The following IPO11 variants were observed in gnomAD, a reference collection of about 807,000 sequenced individuals.
IPO11 encodes importin 11, also known as importin-11.
A neutral mutation model predicts 143.2 loss-of-function variants in IPO11; 66 were observed. The ratio of observed to expected loss-of-function variants is 0.46; its 90% CI spans 0.38 to 0.57. The LOEUF (loss-of-function observed/expected upper bound fraction) is 0.57. Among genes scored for constraint, IPO11 ranks in the 20% least tolerant of loss-of-function variants. The pLI is 0.00. For missense variants in IPO11, 1,026 were observed against 1,141.0 expected (o/e 0.90, Z 1.45); for synonymous variants, 385 against 377.8 (o/e 1.02, Z -0.22).
intron 24 of IPO11, among the ~76,000 whole-genome samples, chr5:62,549,087 GTTTTTGT>G (rs4022362): frequency 0.49 from 73,399 of 150,368 alleles, 17,935 homozygotes; most frequent in South Asian, 0.53. Context: ...ATCTAGTTGT[GTTTTTGT>G]TTTTTGTTTT....
chr5:62,591,502 A>G, intron 27 of IPO11, 75 bp from the exon 28 acceptor site: 1 of 780,818 alleles, frequency 1.3e-6, no homozygotes, highest in Non-Finnish European at 2.0e-6. Context: ...GTTCGAGAAG[A>G]TGTTTAGGAA....
rs1369469839 is a variant in IPO11, at chr5:62,593,358, TG to T, written c.2678+1687del. Among the ~76,000 whole-genome samples, 4 of 152,128 alleles carry T rather than the reference TG, an allele frequency of 2.6e-5. No homozygotes were observed. The East Asian group carries it at 7.7e-4, about 29-fold the overall frequency. The stretch of plus-strand genomic sequence containing the variant: ...ATTAAAAATCAGGATATCCAGGCCC[TG>T]AAAAGTTAGCTGGGCACAGTGGCTC... On this transcript the variant is annotated intron_variant, in intron 28 of 29. Transcript: ENST00000325324.
At chr5:62,614,131 T>G (rs1319700487) in intron 29 of IPO11, among the ~76,000 whole-genome samples, 1 of 152,222 alleles carries the variant, frequency 6.6e-6, no homozygotes, top group Non-Finnish European at 1.5e-5. Flanking sequence ...ATAAAGTACT[T>G]TAAAATAAAA....
At chr5:62,512,013 T>G (rs1318455889) in intron 19 of IPO11, among the ~76,000 whole-genome samples, 3 of 152,108 alleles carry the variant, frequency 2.0e-5, no homozygotes, top group Non-Finnish European at 4.4e-5. Context: ...GCTTCTGGGG[T>G]CACACTCAGC....
At chr5:62,467,744 C>G (rs1745621042) in intron 6 of IPO11, among the ~76,000 whole-genome samples, 1 of 152,104 alleles carries the variant, frequency 6.6e-6, no homozygotes, top group Non-Finnish European at 1.5e-5. Context: ...CCATCTTGGC[C>G]TGTGTCTTGG....
At chr5:62,413,381 T>G (rs1183881080) in intron 1 of IPO11, 1 of 152,192 alleles carries the variant, frequency 6.6e-6, no homozygotes, top group Non-Finnish European at 1.5e-5. Flanking sequence ...ATTAGACCCT[T>G]ACATGCTTTT....
intron 28 of IPO11, among the ~76,000 whole-genome samples, chr5:62,600,311 G>A (rs745419147): frequency 6.6e-6 from 1 of 152,190 alleles, no homozygotes; most frequent in East Asian, 1.9e-4. Context: ...CTCCCAAAGT[G>A]CTGGGATTAC....
Position 62,467,238 on chromosome 5 carries a change from A to G in IPO11, c.624A>G (p.Leu208=), listed in dbSNP as rs374430847. The change falls in exon 6 of 30, where the codon CTA becomes CTG. Residue 208 remains leucine (L), a synonymous_variant. Coordinates refer to ENST00000325324, the MANE Select transcript of IPO11 (RefSeq NM_016338.5). ...SGNEAAILSS[L]ERTLLSLKVL... is the part of the protein sequence containing the mutation. ...ATGAAGCTGCAATTTTGAGTTCACT[A>G]GAACGAACACTGCTATCATTGAAAG... The G allele has an allele frequency of 3.7e-6, 6 of 1,613,922 alleles. No individual in the cohort carries two copies. The highest frequency in any genetic ancestry group is 1.6e-4 in the Middle Eastern group (1 of 6,082).
In IPO11 at chr5:62,628,207, A is replaced by T. The variant is rs1040576272; in HGVS notation, c.*889A>T. 2.6e-5 allele frequency: 4 copies of T among 152,456 alleles called. No individual in the cohort carries two copies. The highest frequency in any genetic ancestry group is 1.3e-4 in the Admixed American group (2 of 15,270). 9.4% of individuals were successfully genotyped at this position (152,456 alleles called of 1,614,324 possible). Reference sequence around the variant, plus strand: ...AGTGCAGGGGTGCATCAGGGCCTCAATAATAGGGGTATACCTGGGAGGATC... The same window carrying T: ...AGTGCAGGGGTGCATCAGGGCCTCATTAATAGGGGTATACCTGGGAGGATC... On this transcript the variant is annotated 3_prime_UTR_variant, in exon 30 of 30. Coordinates refer to ENST00000325324, the MANE Select transcript of IPO11 (RefSeq NM_016338.5).
At chr5:62,589,086 A>G (rs1286528910) in intron 27 of IPO11, among the ~76,000 whole-genome samples, 3 of 152,066 alleles carry the variant, frequency 2.0e-5, no homozygotes, top group African/African-American at 7.2e-5. Flanking sequence ...TGCCTCTGTT[A>G]TGATCCCACT....
chr5:62,441,530 T>TA (rs1744477326), intron 2 of IPO11, among the ~76,000 whole-genome samples: 3 of 77,792 alleles, frequency 3.9e-5, no homozygotes, highest in Admixed American at 1.5e-4. Context: ...TTTTTTTTTT[T>TA]ATGGGACAGA....
In IPO11 at chr5:62,626,036, C is replaced by CT. The variant is rs34571348; in HGVS notation, c.2764-1108dup. ...TACATTTTTCTTTCCTCTTCTTTTT[C>CT]TTTTTTTTTTCGAGACGGAGTCTCG... On this transcript the variant is annotated intron_variant, in intron 29 of 29. Coordinates refer to ENST00000325324, the MANE Select transcript of IPO11 (RefSeq NM_016338.5). Among the ~76,000 whole-genome samples, 616 of 149,416 alleles carry CT rather than the reference C, an allele frequency of 4.1e-3. 6 individuals carry two copies. Among genetic ancestry groups the CT allele is most frequent in the African/African-American group, 0.014 (563 of 40,904 alleles).
chr5:62,529,109 T>C (rs559484091), intron 21 of IPO11, among the ~76,000 whole-genome samples: 158 of 152,302 alleles, frequency 1.0e-3, no homozygotes, highest in African/African-American at 3.6e-3. Flanking sequence ...TGATCTCCAT[T>C]CTAAGAAAAT....
intron 27 of IPO11, among the ~76,000 whole-genome samples, chr5:62,587,223 C>T (rs1172072199): frequency 1.3e-5 from 2 of 151,890 alleles, no homozygotes; most frequent in Non-Finnish European, 2.9e-5. Flanking sequence ...GACAGGTAAG[C>T]AGGGGAATGG....
At chr5:62,554,957 C>T (rs1436371002) in intron 26 of IPO11, among the ~76,000 whole-genome samples, 1 of 152,198 alleles carries the variant, frequency 6.6e-6, no homozygotes, top group Non-Finnish European at 1.5e-5. Flanking sequence ...TCAAGTGATC[C>T]ACCTGCACTG....
intron 27 of IPO11, among the ~76,000 whole-genome samples, chr5:62,590,095 A>G (rs1490861284): frequency 6.6e-6 from 1 of 152,200 alleles, no homozygotes; most frequent in Non-Finnish European, 1.5e-5. Context: ...AGCTGTGGGG[A>G]CACTCCACCA....
chr5:62,558,584 G>T (rs531554494), intron 26 of IPO11, among the ~76,000 whole-genome samples: 7 of 151,994 alleles, frequency 4.6e-5, no homozygotes, highest in Non-Finnish European at 1.0e-4. Flanking sequence ...ACTGGCAAAA[G>T]TAAAGAATTT....
chr5:62,621,385 A>C (rs773103362), intron 29 of IPO11, among the ~76,000 whole-genome samples: 1 of 152,200 alleles, frequency 6.6e-6, no homozygotes, highest in Non-Finnish European at 1.5e-5. Flanking sequence ...ACAGGTCCCC[A>C]TCTCGCAGAT....
intron 1 of IPO11, among the ~76,000 whole-genome samples, chr5:62,429,574 C>T (rs1410570113): frequency 7.1e-6 from 1 of 140,148 alleles, no homozygotes; most frequent in Non-Finnish European, 1.5e-5. Flanking sequence ...CACCACCATG[C>T]CCGTCTGATT....
Sources: allele counts gnomAD v4.1 joint callset (sites outside exome capture counted in the v4.1 genomes callset), GRCh38; gene constraint gnomAD v4.1.1; transcripts MANE v1.5; gene names NCBI Gene and HGNC (gene_info 2026-07-23, HGNC 2026-07-21).